Variants in EPHB2 observed in about 807,000 individuals in gnomAD.
The protein encoded by EPHB2 is EPH receptor B2.
EPHB2 carries 18 observed loss-of-function variants against 96.4 expected under a neutral mutation model. The observed-to-expected ratio is 0.19, with a 90% CI of 0.13 to 0.28. EPHB2 has a LOEUF of 0.28. Ranked by LOEUF, EPHB2 falls within the 10% of genes least tolerant of loss-of-function variation. The pLI is 1.00. For missense variants in EPHB2, 989 were observed against 1,355.4 expected, an observed-to-expected ratio of 0.73 and a Z score of 4.25; for synonymous variants, 506 against 534.1, an observed-to-expected ratio of 0.95 and a Z score of 0.72.
chr1:22,849,348 GTGTGTCAT>G (rs1645590379), intron 3 of EPHB2, among the ~76,000 whole-genome samples: 1 of 152,160 alleles, frequency 6.6e-6, no homozygotes, highest in South Asian at 2.1e-4. Flanking sequence ...CGCGAGGTGT[GTGTGTCAT>G]TTCCATCTGT....
chr1:22,715,291 G>T (rs1029672850), intron 1 of EPHB2, among the ~76,000 whole-genome samples: 4 of 152,212 alleles, frequency 2.6e-5, no homozygotes, highest in Admixed American at 1.3e-4. Context: ...GCAAGAAAGT[G>T]CTGGGGATAA....
chr1:22,742,031 A>G (rs1473452984), intron 1 of EPHB2, among the ~76,000 whole-genome samples: 2 of 140,886 alleles, frequency 1.4e-5, no homozygotes, highest in Non-Finnish European at 3.1e-5. Flanking sequence ...CAGATGGGAA[A>G]TCTGAGGCTC....
chr1:22,781,459 G>A lies in EPHB2; in HGVS notation c.100G>A (p.Gly34Ser). 2 of 1,614,090 alleles carry A rather than the reference G, an allele frequency of 1.2e-6. No homozygotes were observed. The highest frequency in any genetic ancestry group is 1.7e-6 in the Non-Finnish European group (2 of 1,180,012). Residue 34 changes from glycine to serine, a missense_variant, in exon 2 of 16, where the codon GGC (glycine) becomes AGC (serine). Physicochemically the swap from Gly to Ser is moderately conservative, Grantham distance 56 (BLOSUM62 0). Coordinates refer to ENST00000374630, the MANE Select transcript of EPHB2 (RefSeq NM_017449.5). ...CTCCACTACAGCGACTGCTGAGCTG[G>A]GCTGGATGGTGCATCCTCCATCAGG... is the stretch of plus-strand genomic sequence containing the variant. Reference protein sequence around the residue: ...MDSTTATAELGWMVHPPSGWE... With the variant: ...MDSTTATAELSWMVHPPSGWE...
At chr1:22,823,159 CA>C (rs147182882) in intron 3 of EPHB2, among the ~76,000 whole-genome samples, 2,976 of 152,330 alleles carry the variant, frequency 0.02, 44 homozygotes, top group Non-Finnish European at 0.03. Context: ...CAGATGGACC[CA>C]CCACGGCTCC....
At chr1:22,892,842 T>C (rs1346368111) in intron 6 of EPHB2, 42 bp from the exon 7 acceptor site, 15 of 1,614,082 alleles carry the variant, frequency 9.3e-6, no homozygotes, top group Non-Finnish European at 1.3e-5. Flanking sequence ...GGACCCACTA[T>C]GAGCCACAAC....
chr1:22,746,951 C>T (rs1174118227), intron 1 of EPHB2, among the ~76,000 whole-genome samples: 4 of 152,042 alleles, frequency 2.6e-5, no homozygotes. Context: ...TGCCTCCCTC[C>T]TAGGGAGTGT....
chr1:22,835,147 G>A (rs1475257702), intron 3 of EPHB2, among the ~76,000 whole-genome samples: 2 of 152,128 alleles, frequency 1.3e-5, no homozygotes, highest in Non-Finnish European at 2.9e-5. Flanking sequence ...GGGAGGCCAA[G>A]GCAGGCAGAT....
intron 1 of EPHB2, chr1:22,719,672 A>T (rs1643388675): frequency 6.6e-6 from 1 of 152,192 alleles, no homozygotes; most frequent in African/African-American, 2.4e-5. Context: ...AGTCAATTGC[A>T]TGGCTTCCCG....
At chr1:22,728,554 G>A (rs936333196) in intron 1 of EPHB2, among the ~76,000 whole-genome samples, 1 of 152,206 alleles carries the variant, frequency 6.6e-6, no homozygotes, top group African/African-American at 2.4e-5. Context: ...GGCCTGGCAT[G>A]AAGTAGGTGC....
chr1:22,823,167 C>A (rs1433501015), intron 3 of EPHB2, among the ~76,000 whole-genome samples: 1 of 152,210 alleles, frequency 6.6e-6, no homozygotes, highest in Non-Finnish European at 1.5e-5. Flanking sequence ...CCCACCACGG[C>A]TCCCAAAAAG....
At chr1:22,725,172 A>G (rs2148344463) in intron 1 of EPHB2, among the ~76,000 whole-genome samples, 1 of 152,252 alleles carries the variant, frequency 6.6e-6, no homozygotes, top group South Asian at 2.1e-4. Flanking sequence ...GGTAGTGTAC[A>G]GTTAGACGGT....
chr1:22,849,072 G>A (rs1645585220), intron 3 of EPHB2, among the ~76,000 whole-genome samples: 5 of 152,136 alleles, frequency 3.3e-5, no homozygotes. Context: ...CTTTCTGTCT[G>A]GGATCACGGG....
At position 22,807,946 on chromosome 1, in the gene EPHB2, C is replaced by A. The variant is rs2582028; in HGVS notation, c.811+22870C>A. 7.2e-3 allele frequency among the ~76,000 whole-genome samples: 1,103 copies of A among 152,204 alleles called. 20 individuals are homozygous for A. The highest frequency in any genetic ancestry group is 0.026 in the African/African-American group (1,061 of 41,508). On this transcript the variant is annotated intron_variant, in intron 3 of 15. Transcript: ENST00000374630. ...GTCAGGAGTTTGATACCAGCCTGGC[C>A]AACATGGTGAAACCCTGTCTCTACT...
intron 1 of EPHB2, among the ~76,000 whole-genome samples, chr1:22,716,022 A>G (rs974382292): frequency 2.0e-4 from 30 of 152,124 alleles, no homozygotes; most frequent in African/African-American, 7.0e-4. Context: ...CAGGCACCAG[A>G]TCAGCCTTCA....
At chr1:22,741,442 C>T (rs1258415986) in intron 1 of EPHB2, among the ~76,000 whole-genome samples, 2 of 152,136 alleles carry the variant, frequency 1.3e-5, no homozygotes, top group African/African-American at 4.8e-5. Flanking sequence ...AATCCCAAGC[C>T]CTCCTGTCTC....
At chr1:22,857,610 TG>T (rs1248077832) in intron 3 of EPHB2, among the ~76,000 whole-genome samples, 1 of 152,086 alleles carries the variant, frequency 6.6e-6, no homozygotes, top group East Asian at 1.9e-4. Flanking sequence ...CGAGATGCTT[TG>T]GTCAGTACCC....
intron 1 of EPHB2, among the ~76,000 whole-genome samples, chr1:22,758,119 C>T (rs372136040): frequency 1.4e-4 from 20 of 144,202 alleles, no homozygotes; most frequent in Admixed American, 9.8e-4. Context: ...GGGGTTTCAC[C>T]GTGTTAGCCA....
At chr1:22,773,548 G>A (rs1221140103) in intron 1 of EPHB2, among the ~76,000 whole-genome samples, 1 of 152,228 alleles carries the variant, frequency 6.6e-6, no homozygotes, top group East Asian at 1.9e-4. Flanking sequence ...GCTATGAGGT[G>A]TCTGTTCATC....
intron 1 of EPHB2, among the ~76,000 whole-genome samples, chr1:22,752,364 G>T (rs1189798207): frequency 6.6e-6 from 1 of 152,152 alleles, no homozygotes; most frequent in Non-Finnish European, 1.5e-5. Flanking sequence ...GGGCATGGTG[G>T]TGTGCACCTG....
Sources: gnomAD v4.1 joint callset for allele counts (sites outside exome capture counted in the v4.1 genomes callset) on GRCh38, gnomAD v4.1.1 for gene constraint, MANE v1.5 for transcripts, NCBI Gene and HGNC (gene_info 2026-07-23, HGNC 2026-07-21) for gene names.